Variants in KCNMB2 observed in about 807,000 individuals in gnomAD.
The protein encoded by KCNMB2 is calcium-activated potassium channel subunit beta-2.
In KCNMB2, 9 loss-of-function variants were observed where a neutral mutation model predicts 24.5. The observed-to-expected ratio is 0.37, with a 90% confidence interval of 0.22 to 0.64. KCNMB2 has a LOEUF of 0.64. Ranked by LOEUF, KCNMB2 falls within the 30% of genes least tolerant of loss-of-function variation. The pLI is 0.63. For synonymous variants in KCNMB2, 109 were observed against 104.4 expected, an observed-to-expected ratio of 1.04 and a Z score of -0.27; for missense variants, 226 against 284.3, an observed-to-expected ratio of 0.79 and a Z score of 1.47.
chr3:178,577,049 G>A (rs1717020124), intron 1 of KCNMB2, among the ~76,000 whole-genome samples: 2 of 152,146 alleles, frequency 1.3e-5, no homozygotes, highest in African/African-American at 4.8e-5. Context: ...TCCTGACTGG[G>A]AGACACCTCC....
intron 1 of KCNMB2, among the ~76,000 whole-genome samples, chr3:178,567,652 A>G (rs1716574930): frequency 1.4e-5 from 2 of 146,288 alleles, no homozygotes; most frequent in Non-Finnish European, 3.0e-5. Flanking sequence ...GACAAACATA[A>G]CTTAAAGAGC....
At chr3:178,820,461 G>A (rs6780023) in intron 2 of KCNMB2, 39,957 of 152,810 alleles carry the variant, frequency 0.26, 7,055 homozygotes, top group African/African-American at 0.51. Context: ...TAATTCATAA[G>A]TGGCCTTTAT....
chr3:178,643,358 G>A (rs1719795262), intron 1 of KCNMB2, among the ~76,000 whole-genome samples: 1 of 152,120 alleles, frequency 6.6e-6, no homozygotes, highest in South Asian at 2.1e-4. Flanking sequence ...GTGTTTACAT[G>A]AGGCTAAACA....
intron 1 of KCNMB2, among the ~76,000 whole-genome samples, chr3:178,632,524 C>G (rs1719357865): frequency 6.6e-6 from 1 of 152,096 alleles, no homozygotes; most frequent in African/African-American, 2.4e-5. Context: ...ACTTATAAAG[C>G]CATCAGATCT....
At chr3:178,741,156 A>C (rs1157144338) in intron 1 of KCNMB2, among the ~76,000 whole-genome samples, 2 of 152,186 alleles carry the variant, frequency 1.3e-5, no homozygotes, top group African/African-American at 2.4e-5. Context: ...ACGTAAACAG[A>C]GTGTGTTTGG....
intron 1 of KCNMB2, among the ~76,000 whole-genome samples, chr3:178,607,647 GTGTGTA>G (rs906816200): frequency 6.6e-6 from 1 of 151,718 alleles, no homozygotes; most frequent in African/African-American, 2.4e-5. Flanking sequence ...GTGTGTGTGT[GTGTGTA>G]TGTGTGCATA....
intron 1 of KCNMB2, among the ~76,000 whole-genome samples, chr3:178,618,901 AG>A (rs1253914732): frequency 6.6e-6 from 1 of 152,200 alleles, no homozygotes; most frequent in Non-Finnish European, 1.5e-5. Flanking sequence ...TCCTTAGGTA[AG>A]AATTATTTTT....
chr3:178,576,243 G>T (rs1716984199), intron 1 of KCNMB2, among the ~76,000 whole-genome samples: 1 of 151,944 alleles, frequency 6.6e-6, no homozygotes, highest in Non-Finnish European at 1.5e-5. Context: ...AGCACAAGAG[G>T]CTGGGGAACT....
chr3:178,641,527 G>A (rs1042687082), intron 1 of KCNMB2, among the ~76,000 whole-genome samples: 2 of 151,870 alleles, frequency 1.3e-5, no homozygotes, highest in South Asian at 2.1e-4. Context: ...CCTTTTGTTC[G>A]GGGACCTTGC....
At chr3:178,738,478 T>G (rs1448651347) in intron 1 of KCNMB2, among the ~76,000 whole-genome samples, 1 of 152,224 alleles carries the variant, frequency 6.6e-6, no homozygotes, top group East Asian at 1.9e-4. Context: ...AAAGTCTACA[T>G]GACCTGGCAG....
At chr3:178,804,315 G>A (rs1713881937) in intron 1 of KCNMB2, among the ~76,000 whole-genome samples, 1 of 152,186 alleles carries the variant, frequency 6.6e-6, no homozygotes, top group African/African-American at 2.4e-5. Flanking sequence ...AACATATTTG[G>A]AATTCTAGGT....
At chr3:178,634,312 T>G (rs1719434028) in intron 1 of KCNMB2, among the ~76,000 whole-genome samples, 3 of 152,130 alleles carry the variant, frequency 2.0e-5, no homozygotes, top group Non-Finnish European at 4.4e-5. Context: ...CTCACACTGC[T>G]AATAAGGAAA....
At chr3:178,598,911 C>T (rs945991912) in intron 1 of KCNMB2, among the ~76,000 whole-genome samples, 8 of 152,008 alleles carry the variant, frequency 5.3e-5, no homozygotes, top group Non-Finnish European at 1.0e-4. Flanking sequence ...AGAACCCAAC[C>T]CAAAATATTT....
chr3:178,744,162 A>T (rs1723585556), intron 1 of KCNMB2, among the ~76,000 whole-genome samples: 1 of 152,234 alleles, frequency 6.6e-6, no homozygotes, highest in South Asian at 2.1e-4. Context: ...ATAACACGGT[A>T]TTTCATGTTA....
At position 178,758,507 on chromosome 3, in the gene KCNMB2, T is replaced by TAC. The variant is rs1332505512; in HGVS notation, c.-67-48835_-67-48834insCA. Among the ~76,000 whole-genome samples, 15 of 46,416 alleles carry TAC rather than the reference T, an allele frequency of 3.2e-4. 1 individual carries two copies. The highest frequency in any genetic ancestry group is 1.9e-3 in the Admixed American group (7 of 3,776). 30.5% of individuals were successfully genotyped at this position (46,416 alleles called of 152,430 possible). A position where few individuals can be genotyped will look rare whatever the true frequency, so the allele number is the denominator to read the frequency against. On this transcript the variant is annotated intron_variant, in intron 1 of 4. Coordinates refer to ENST00000452583, the MANE Select transcript of KCNMB2 (RefSeq NM_181361.3). ...AAGAGGTGATTGATATATATATATA[T>TAC]ATATCTCCAAGAGGAGATGTATATA... is the stretch of plus-strand genomic sequence containing the variant.
chr3:178,624,356 T>C (rs1344762894), intron 1 of KCNMB2, among the ~76,000 whole-genome samples: 1 of 151,680 alleles, frequency 6.6e-6, no homozygotes, highest in African/African-American at 2.4e-5. Context: ...AATACACAAA[T>C]TTGTTTTTTG....
chr3:178,560,356 A>G (rs1472766203), intron 1 of KCNMB2, among the ~76,000 whole-genome samples: 25 of 152,182 alleles, frequency 1.6e-4, no homozygotes, highest in Admixed American at 1.6e-3. Flanking sequence ...GTGACTAATA[A>G]AAACTGACAA....
At chr3:178,841,915 C>G (rs1715442527) in intron 4 of KCNMB2, among the ~76,000 whole-genome samples, 1 of 152,138 alleles carries the variant, frequency 6.6e-6, no homozygotes, top group Non-Finnish European at 1.5e-5. Context: ...AGAAAGGTAG[C>G]ATAAGTTCTC....
At chr3:178,706,955 C>G (rs1722297977) in intron 1 of KCNMB2, among the ~76,000 whole-genome samples, 1 of 152,106 alleles carries the variant, frequency 6.6e-6, no homozygotes, top group Non-Finnish European at 1.5e-5. Flanking sequence ...ACATGTATAC[C>G]TATGTAACAA....
Sources: allele counts gnomAD v4.1 joint callset (sites outside exome capture counted in the v4.1 genomes callset), GRCh38; gene constraint gnomAD v4.1.1; transcripts MANE v1.5; gene names NCBI Gene and HGNC (gene_info 2026-07-23, HGNC 2026-07-21).